The following SLC16A10 variants were observed in gnomAD, a reference collection of about 807,000 sequenced individuals.
SLC16A10 encodes solute carrier family 16 member 10.
SLC16A10 carries 27 observed loss-of-function variants against 40.0 expected under a neutral mutation model. That is an observed-to-expected ratio of 0.67 (90% CI 0.50 to 0.93). The LOEUF (loss-of-function observed/expected upper bound fraction) is 0.93. Ranked by LOEUF, SLC16A10 falls within the 40% of genes least tolerant of loss-of-function variation. SLC16A10 has a pLI of 0.00. For missense variants in SLC16A10, 529 were observed against 658.2 expected, an observed-to-expected ratio of 0.80 and a Z score of 2.15; for synonymous variants, 213 against 249.8, an observed-to-expected ratio of 0.85 and a Z score of 1.39.
At chr6:111,153,981 T>C (rs758926712) in intron 1 of SLC16A10, among the ~76,000 whole-genome samples, 2 of 152,052 alleles carry the variant, frequency 1.3e-5, no homozygotes, top group Non-Finnish European at 2.9e-5. Flanking sequence ...GAAATGGGTG[T>C]AGAGAAAGTA....
intron 1 of SLC16A10, among the ~76,000 whole-genome samples, chr6:111,139,447 G>A (rs191119253): frequency 3.2e-4 from 49 of 152,090 alleles, no homozygotes; most frequent in Admixed American, 2.2e-3. Flanking sequence ...GACTACAGGC[G>A]CGTGCCACCA....
chr6:111,137,203 T>C (rs1771895280), intron 1 of SLC16A10, among the ~76,000 whole-genome samples: 1 of 151,968 alleles, frequency 6.6e-6, no homozygotes, highest in East Asian at 1.9e-4. Flanking sequence ...GAAGAAGAAA[T>C]AGAATGGGAA....
In SLC16A10 at chr6:111,222,370, C is replaced by A. The variant is rs910408061; in HGVS notation, c.*135C>A. The A allele has an allele frequency of 1.7e-6, 2 of 1,167,358 alleles. No individual in the cohort carries two copies. Among genetic ancestry groups the A allele is most frequent in the African/African-American group, 3.3e-5 (2 of 61,424 alleles). 72.3% of individuals were successfully genotyped at this position (1,167,358 alleles called of 1,614,324 possible). On this transcript the variant is annotated 3_prime_UTR_variant, in exon 6 of 6. Coordinates refer to ENST00000368851, the MANE Select transcript of SLC16A10 (RefSeq NM_018593.5). Reference sequence around the variant, plus strand: ...TAGCACAATAATTGGGAAATAGAACCCTTATCACTAGAAGAACCATTTTCT... The same window carrying A: ...TAGCACAATAATTGGGAAATAGAACACTTATCACTAGAAGAACCATTTTCT...
At chr6:111,193,183 A>C in intron 3 of SLC16A10, 99 of 371,302 alleles carry the variant, frequency 2.7e-4, no homozygotes, top group Middle Eastern at 1.4e-3. Context: ...TGATTAAGAC[A>C]CCTTCTCTCC....
chr6:111,153,000 A>C (rs1162603408), intron 1 of SLC16A10, among the ~76,000 whole-genome samples: 2 of 152,182 alleles, frequency 1.3e-5, no homozygotes, highest in African/African-American at 4.8e-5. Flanking sequence ...AGGGTAAAGA[A>C]CTTTGAGTCA....
intron 1 of SLC16A10, among the ~76,000 whole-genome samples, chr6:111,132,797 C>T (rs1771807616): frequency 6.6e-6 from 1 of 152,122 alleles, no homozygotes; most frequent in South Asian, 2.1e-4. Flanking sequence ...ATAGATGGTT[C>T]CTCCCAGGTA....
intron 3 of SLC16A10, among the ~76,000 whole-genome samples, chr6:111,191,790 A>C (rs578189097): frequency 2.0e-4 from 30 of 152,016 alleles, no homozygotes; most frequent in Non-Finnish European, 3.7e-4. Context: ...TTTTTTTTAT[A>C]TATATTTGTT....
chr6:111,148,282 G>A (rs1284202777), intron 1 of SLC16A10, among the ~76,000 whole-genome samples: 1 of 152,168 alleles, frequency 6.6e-6, no homozygotes, highest in East Asian at 1.9e-4. Flanking sequence ...AAGGAGGAAT[G>A]TAAGATTGAC....
chr6:111,134,556 A>AT (rs982164728), intron 1 of SLC16A10, among the ~76,000 whole-genome samples: 46 of 151,556 alleles, frequency 3.0e-4, no homozygotes, highest in Non-Finnish European at 5.7e-4. Context: ...GACAAATGGG[A>AT]TAAAAAAAAA....
intron 3 of SLC16A10, among the ~76,000 whole-genome samples, chr6:111,203,543 G>A (rs1274288256): frequency 6.6e-6 from 1 of 151,816 alleles, no homozygotes; most frequent in Non-Finnish European, 1.5e-5. Context: ...CCAACTTGGT[G>A]AAACTTCATC....
At chr6:111,203,469 C>T (rs976412282) in intron 3 of SLC16A10, among the ~76,000 whole-genome samples, 5 of 152,074 alleles carry the variant, frequency 3.3e-5, no homozygotes, top group Non-Finnish European at 7.4e-5. Context: ...CGTGGTGGCT[C>T]ATGCACTTTA....
intron 3 of SLC16A10, among the ~76,000 whole-genome samples, chr6:111,186,978 T>C (rs1035626307): frequency 2.0e-5 from 3 of 152,166 alleles, no homozygotes; most frequent in African/African-American, 7.2e-5. Flanking sequence ...TGTATCTCTG[T>C]ATCCATGTTA....
At position 111,177,336 on chromosome 6, in the gene SLC16A10, A is replaced by G. The variant is rs762203795; in HGVS notation, c.613A>G (p.Ile205Val). Residue 205 changes from isoleucine (I) to valine (V), a missense_variant, in exon 3 of 6, where the codon ATT becomes GTT. Transcript: ENST00000368851. ...FKKRLGLVNGIVTAGSSVFTI... is the reference protein window; with the variant it reads ...FKKRLGLVNGVVTAGSSVFTI... The stretch of plus-strand genomic sequence containing the variant: ...GAAGCGCCTTGGACTGGTGAATGGC[A>G]TTGTCACTGCTGGCAGCAGTGTCTT... 3.7e-6 allele frequency: 6 copies of G among 1,613,532 alleles called. No homozygotes were observed. Among genetic ancestry groups the G allele is most frequent in the African/African-American group, 1.3e-5 (1 of 74,848 alleles).
At chr6:111,201,975 C>A (rs1773174565) in intron 3 of SLC16A10, among the ~76,000 whole-genome samples, 2 of 152,350 alleles carry the variant, frequency 1.3e-5, no homozygotes, top group Middle Eastern at 3.4e-3. Flanking sequence ...TCTGCCTTAG[C>A]TTCTTCATCA....
intron 1 of SLC16A10, among the ~76,000 whole-genome samples, chr6:111,158,290 T>A (rs541564102): frequency 2.0e-5 from 3 of 152,328 alleles, no homozygotes; most frequent in African/African-American, 7.2e-5. Flanking sequence ...TCCCTATTTT[T>A]AGCTTTTTTC....
chr6:111,152,084 A>G (rs1772182240), intron 1 of SLC16A10, among the ~76,000 whole-genome samples: 1 of 152,212 alleles, frequency 6.6e-6, no homozygotes, highest in Non-Finnish European at 1.5e-5. Flanking sequence ...CTCCTGGGGA[A>G]GAGAACCTAC....
intron 2 of SLC16A10, among the ~76,000 whole-genome samples, chr6:111,176,264 G>C (rs947837137): frequency 6.6e-6 from 1 of 152,178 alleles, no homozygotes; most frequent in Admixed American, 6.5e-5. Context: ...ACCTCAGCAT[G>C]TTGCTAGACT....
chr6:111,223,718 T>C lies in SLC16A10; in HGVS notation c.*1483T>C, dbSNP rs1583372493. 3 of 152,260 alleles carry C rather than the reference T, an allele frequency of 2.0e-5. No individual in the cohort carries two copies. The highest frequency in any genetic ancestry group is 3.2e-3 in the Middle Eastern group (1 of 316). 9.4% of individuals were successfully genotyped at this position (152,260 alleles called of 1,614,324 possible). On this transcript the variant is annotated 3_prime_UTR_variant, in exon 6 of 6. Coordinates refer to ENST00000368851, the MANE Select transcript of SLC16A10 (RefSeq NM_018593.5). The stretch of plus-strand genomic sequence containing the variant: ...TTTAGAAAATGATTTCATTCAGTCA[T>C]GTCCAGTTATATAAAACGTTACTTT...
At chr6:111,197,609 A>T (rs1773099231) in intron 3 of SLC16A10, among the ~76,000 whole-genome samples, 1 of 152,178 alleles carries the variant, frequency 6.6e-6, no homozygotes, top group Admixed American at 6.5e-5. Context: ...CTATAAAGAA[A>T]TACCTGAGGC....
Sources: gnomAD v4.1 joint callset for allele counts (sites outside exome capture counted in the v4.1 genomes callset) on GRCh38, gnomAD v4.1.1 for gene constraint, MANE v1.5 for transcripts, NCBI Gene and HGNC (gene_info 2026-07-23, HGNC 2026-07-21) for gene names.